PHACTR2: variants seen among roughly 807,000 people sequenced by gnomAD.
The protein encoded by PHACTR2 is chromosome 6 open reading frame 56.
In PHACTR2, 30 loss-of-function variants were observed where a neutral mutation model predicts 76.0. The ratio of observed to expected loss-of-function variants is 0.39; its 90% CI spans 0.30 to 0.54. The LOEUF is 0.54. Ranked by LOEUF, PHACTR2 falls within the 20% of genes least tolerant of loss-of-function variation. PHACTR2 has a pLI of 0.61. For missense variants in PHACTR2, 696 were observed against 781.1 expected, an observed-to-expected ratio of 0.89 and a Z score of 1.30; for synonymous variants, 292 against 292.5, an observed-to-expected ratio of 1.00 and a Z score of 0.02.
At chr6:143,620,448 A>G (rs1776134034) in intron 1 of PHACTR2, among the ~76,000 whole-genome samples, 1 of 151,728 alleles carries the variant, frequency 6.6e-6, no homozygotes, top group South Asian at 2.1e-4. Flanking sequence ...TTTTTTGGAA[A>G]AAAAAAATGC....
Position 143,626,592 on chromosome 6 carries a change from T to A in PHACTR2, c.13+18270T>A, listed in dbSNP as rs997462899. Among the ~76,000 whole-genome samples the A allele has an allele frequency of 1.8e-4, 28 of 151,710 alleles. 1 individual carries two copies. Among genetic ancestry groups the A allele is most frequent in the Admixed American group, 1.8e-3 (27 of 15,234 alleles). On this transcript the variant is annotated intron_variant, in intron 1 of 11. Coordinates refer to the PHACTR2 transcript ENST00000305766. ...ATTGTTATCAGAAGATGTTCCCATG[T>A]CTTAAGAAAAACCTTGCAGTATTAA...
intron 1 of PHACTR2, among the ~76,000 whole-genome samples, chr6:143,590,275 A>C (rs1359766195): frequency 6.6e-6 from 1 of 152,096 alleles, no homozygotes; most frequent in Non-Finnish European, 1.5e-5. Context: ...GATGACTTTT[A>C]GGAACTCACC....
At chr6:143,723,562 C>T (rs1264877395) in intron 2 of PHACTR2, among the ~76,000 whole-genome samples, 1 of 152,204 alleles carries the variant, frequency 6.6e-6, no homozygotes, top group South Asian at 2.1e-4. Flanking sequence ...TCCATTCATA[C>T]AGCAAATATT....
In PHACTR2 at chr6:143,550,908, A is replaced by G. The variant is rs528362998; in HGVS notation, c.217+13701A>G. Among the ~76,000 whole-genome samples, 1 of 151,986 alleles carries G rather than the reference A, an allele frequency of 6.6e-6. No individual in the cohort carries two copies. Among genetic ancestry groups the G allele is most frequent in the South Asian group, 2.1e-4 (1 of 4,794 alleles). The stretch of plus-strand genomic sequence containing the variant: ...ACAAAAATTAGCTGAGTGTGGTGGC[A>G]TGTGTCTGTAGTCCCAGCTACTTGG... On this transcript the variant is annotated intron_variant, in intron 1 of 11. Transcript: ENST00000367584. This position sits in a 1 kb window ranked among gnomAD's most constrained non-coding sequence, Gnocchi z 4.8.
intron 1 of PHACTR2, among the ~76,000 whole-genome samples, chr6:143,564,403 A>C (rs1775332830): frequency 6.6e-6 from 1 of 151,998 alleles, no homozygotes; most frequent in South Asian, 2.1e-4. Context: ...AGTAAAAATT[A>C]AGTAAACAGT....
rs925736960 is a variant in PHACTR2, at chr6:143,738,348, T to TCAAAA, written c.215-10621_215-10617dup. On this transcript the variant is annotated intron_variant, in intron 2 of 12. Transcript: ENST00000440869. This position sits in a 1 kb window ranked among gnomAD's most constrained non-coding sequence, Gnocchi z 4.0. ...CTGGGCGACAGAGGGAGACTCCATC[T>TCAAAA]CAAAACAAAACAAAACAAAAGATTA... 1.3e-5 allele frequency among the ~76,000 whole-genome samples: 2 copies of TCAAAA among 151,828 alleles called. No homozygotes were observed. The highest frequency in any genetic ancestry group is 2.4e-5 in the African/African-American group (1 of 41,306).
At position 143,555,564 on chromosome 6, in the gene PHACTR2, AAC is replaced by A. The variant is rs557958632; in HGVS notation, c.217+18361_217+18362del. 5.3e-5 allele frequency among the ~76,000 whole-genome samples: 8 copies of A among 152,258 alleles called. No individual in the cohort carries two copies. The East Asian group carries it at 1.4e-3, about 26-fold the overall frequency. ...TGTGTTATTCACTTCCCTGATGATC[AAC>A]ACAGAAATATTTTACATTTTGGTTA... On this transcript the variant is annotated intron_variant, in intron 1 of 11. Transcript: ENST00000367584.
chr6:143,581,598 C>T lies in PHACTR2; in HGVS notation c.217+44391C>T, dbSNP rs1424876819. Among the ~76,000 whole-genome samples the T allele has an allele frequency of 1.3e-5, 2 of 152,126 alleles. No individual in the cohort carries two copies. The highest frequency in any genetic ancestry group is 2.9e-5 in the Non-Finnish European group (2 of 68,026). Reference sequence around the variant, plus strand: ...GTATTAATTATCTATTGCTGCATGACAAATACGGATCACTCAAGTCCAGGA... The same window carrying T: ...GTATTAATTATCTATTGCTGCATGATAAATACGGATCACTCAAGTCCAGGA... On this transcript the variant is annotated intron_variant, in intron 1 of 11. Coordinates refer to the PHACTR2 transcript ENST00000367584. The surrounding 1 kb of genome is among the most constrained non-coding windows in gnomAD (Gnocchi z 4.5).
rs538113459 is a variant in PHACTR2 at position 143,627,321 on chromosome 6, T to C, written c.13+18999T>C. Among the ~76,000 whole-genome samples the C allele has an allele frequency of 6.6e-6, 1 of 152,366 alleles. No homozygotes were observed. The highest frequency in any genetic ancestry group is 1.5e-5 in the Non-Finnish European group (1 of 68,036). ...AGATAGCTTTACTCAGTTCGATAAC[T>C]TGCCTTATTCATCAGACTTAGACCA... On this transcript the variant is annotated intron_variant, in intron 1 of 11. Coordinates refer to the PHACTR2 transcript ENST00000305766. The surrounding 1 kb of genome is among the most constrained non-coding windows in gnomAD (Gnocchi z 4.3).
chr6:143,674,853 A>G (rs1392381168), upstream of PHACTR2, among the ~76,000 whole-genome samples: 1 of 152,230 alleles, frequency 6.6e-6, no homozygotes, highest in Non-Finnish European at 1.5e-5. The surrounding 1 kb of genome is among the most constrained non-coding windows in gnomAD (Gnocchi z 4.9). Flanking sequence ...ATTGTAAACC[A>G]TCTTCTCTAA....
rs79741343 is a variant in PHACTR2, at chr6:143,779,821, G to A, written c.1645+2438G>A. 9.3e-3 allele frequency among the ~76,000 whole-genome samples: 1,412 copies of A among 151,414 alleles called. 22 individuals carry two copies. The highest frequency in any genetic ancestry group is 0.033 in the African/African-American group (1,345 of 41,346). On this transcript the variant is annotated intron_variant, in intron 9 of 12. Coordinates refer to ENST00000440869, the MANE Select transcript of PHACTR2 (RefSeq NM_001100164.2). ...ATATTTCTTAGTGTCAATTCACCATGCCAGTCCTTACTTGATGTCTTTCCT... is the reference window on the plus strand; with the variant it reads ...ATATTTCTTAGTGTCAATTCACCATACCAGTCCTTACTTGATGTCTTTCCT...
intron 2 of PHACTR2, among the ~76,000 whole-genome samples, chr6:143,725,196 G>A (rs1022285093): frequency 8.7e-6 from 1 of 115,556 alleles, no homozygotes; most frequent in Non-Finnish European, 1.7e-5. Flanking sequence ...CCTTTGTGCT[G>A]TCTTTTTTTT....
chr6:143,827,155 A>AATATATATATATAT lies in PHACTR2; in HGVS notation c.*3497_*3510dup, dbSNP rs67124785. The AATATATATATATAT allele has an allele frequency of 6.1e-4, 47 of 77,224 alleles. 1 individual carries two copies. The highest frequency in any genetic ancestry group is 2.8e-3 in the East Asian group (5 of 1,784). 4.8% of individuals were successfully genotyped at this position (77,224 alleles called of 1,614,324 possible). A position where few individuals can be genotyped will look rare whatever the true frequency, so the allele number is the denominator to read the frequency against. On this transcript the variant is annotated 3_prime_UTR_variant, in exon 13 of 13. Coordinates refer to ENST00000440869, the MANE Select transcript of PHACTR2 (RefSeq NM_001100164.2). ...GGGCTGCGTTGGCATTAAAAAAGAA[A>AATATATATATATAT]ATATATATATATATATATATATATA...
chr6:143,736,844 G>A (rs1451565212), intron 2 of PHACTR2, among the ~76,000 whole-genome samples: 1 of 151,726 alleles, frequency 6.6e-6, no homozygotes, highest in African/African-American at 2.4e-5. Context: ...AAAGTGCTGG[G>A]ATTACTGGCG....
At chr6:143,756,763 A>G (rs555568720) in intron 4 of PHACTR2, among the ~76,000 whole-genome samples, 4 of 151,412 alleles carry the variant, frequency 2.6e-5, no homozygotes, top group African/African-American at 9.7e-5. Context: ...TTAGTATTAA[A>G]TATAAGAAAT....
At chr6:143,724,396 T>C (rs906710034) in intron 2 of PHACTR2, among the ~76,000 whole-genome samples, 16 of 152,322 alleles carry the variant, frequency 1.1e-4, no homozygotes, top group Non-Finnish European at 2.2e-4. Context: ...CCTCCCAAAG[T>C]GCTGGGATTA....
At chr6:143,552,895 A>C (rs1161668583) in intron 1 of PHACTR2, among the ~76,000 whole-genome samples, 2 of 151,552 alleles carry the variant, frequency 1.3e-5, no homozygotes, top group East Asian at 3.9e-4. Context: ...AAAGAAAAAA[A>C]AAAAAAAAAA....
chr6:143,764,069 A>G lies in PHACTR2; in HGVS notation c.695-1192A>G, dbSNP rs1294437009. On this transcript the variant is annotated intron_variant, in intron 5 of 12. Coordinates refer to ENST00000440869, the MANE Select transcript of PHACTR2 (RefSeq NM_001100164.2). The surrounding 1 kb of genome is among the most constrained non-coding windows in gnomAD (Gnocchi z 4.7). ...ATCTTTTTGTTTTGAAACTGTTTTG[A>G]TTGAGGGTGCCCTATCCGGAAGTAG... 6.6e-6 allele frequency among the ~76,000 whole-genome samples: 1 copy of G among 152,196 alleles called. No homozygotes were observed. The highest frequency in any genetic ancestry group is 1.5e-5 in the Non-Finnish European group (1 of 68,026).
At position 143,627,970 on chromosome 6, in the gene PHACTR2, C is replaced by G. The variant is rs1309966773; in HGVS notation, c.13+19648C>G. 6.6e-6 allele frequency among the ~76,000 whole-genome samples: 1 copy of G among 152,172 alleles called. No homozygotes were observed. The highest frequency in any genetic ancestry group is 6.5e-5 in the Admixed American group (1 of 15,284). On this transcript the variant is annotated intron_variant, in intron 1 of 11. Coordinates refer to the PHACTR2 transcript ENST00000305766. The surrounding 1 kb of genome is among the most constrained non-coding windows in gnomAD (Gnocchi z 4.3). Reference sequence around the variant, plus strand: ...ATTGTCCCCCTCCCCCAGACTCTTGCAAACACCAGTCTGCTTTCTATCTCT... The same window carrying G: ...ATTGTCCCCCTCCCCCAGACTCTTGGAAACACCAGTCTGCTTTCTATCTCT...
Sources: gnomAD v4.1 joint callset for allele counts (sites outside exome capture counted in the v4.1 genomes callset) on GRCh38, gnomAD v4.1.1 for gene constraint, Gnocchi (gnomAD v3.1) non-coding constraint, MANE v1.5 for transcripts, NCBI Gene and HGNC (gene_info 2026-07-23, HGNC 2026-07-21) for gene names.